The following RSU1 variants were observed in gnomAD, a reference collection of about 807,000 sequenced individuals.
RSU1 encodes rsu-1.
A neutral mutation model predicts 31.1 loss-of-function variants in RSU1; 26 were observed. The ratio of observed to expected loss-of-function variants is 0.84; its 90% confidence interval spans 0.61 to 1.16. RSU1 has a LOEUF of 1.16. Among genes scored for constraint, RSU1 ranks in the 50% most tolerant of loss-of-function variants. RSU1 has a pLI of 0.00. For missense variants in RSU1, 320 were observed against 339.1 expected, an observed-to-expected ratio of 0.94 and a Z score of 0.44; for synonymous variants, 164 against 136.3, an observed-to-expected ratio of 1.20 and a Z score of -1.41.
At position 16,593,397 on chromosome 10, in the gene RSU1, T is replaced by C; in HGVS notation, c.831A>G (p.Arg277=). 6.2e-7 allele frequency: 1 copy of C among 1,614,148 alleles called. No homozygotes were observed. Among genetic ancestry groups the C allele is most frequent in the Non-Finnish European group, 8.5e-7 (1 of 1,180,000 alleles). ...CCAGCCGATGCCAATCCCTTCCTTA[T>C]CTGTTCTTGGCTGCCAGGGGTTTCC... The part of the protein sequence containing the change: ...ISRKPLAAKN[R] Residue 277 remains arginine (R), a synonymous_variant, in exon 9 of 9, where the codon AGA becomes AGG. Coordinates refer to ENST00000345264, the MANE Select transcript of RSU1 (RefSeq NM_012425.4).
rs1564298494 is a variant in RSU1 at position 16,645,985 on chromosome 10, CATATATGT to C, written c.731+49030_731+49037del. Among the ~76,000 whole-genome samples the C allele has an allele frequency of 2.8e-5, 2 of 72,564 alleles. 1 individual carries two copies. The highest frequency in any genetic ancestry group is 2.9e-4 in the Admixed American group (2 of 6,924). 47.6% of individuals were successfully genotyped at this position (72,564 alleles called of 152,430 possible). A position where few individuals can be genotyped will look rare whatever the true frequency, so the allele number is the denominator to read the frequency against. On this transcript the variant is annotated intron_variant, in intron 8 of 8. Coordinates refer to ENST00000345264, the MANE Select transcript of RSU1 (RefSeq NM_012425.4). ...ATATGTGTATATATATGTGTATATA[CATATATGT>C]GTATATATATGTGTATATACATATA...
chr10:16,725,655 T>C (rs1415811142), intron 7 of RSU1, among the ~76,000 whole-genome samples: 2 of 151,638 alleles, frequency 1.3e-5, no homozygotes, highest in African/African-American at 4.9e-5. Flanking sequence ...AGCATTTCTC[T>C]TCTCCAGAGG....
At chr10:16,597,525 C>G (rs977373275) in intron 8 of RSU1, among the ~76,000 whole-genome samples, 2 of 152,180 alleles carry the variant, frequency 1.3e-5, no homozygotes, top group Admixed American at 6.5e-5. Context: ...GCCTCAGTTT[C>G]TTTATCTGTA....
At chr10:16,670,869 A>T (rs1165363664) in intron 8 of RSU1, among the ~76,000 whole-genome samples, 1 of 152,102 alleles carries the variant, frequency 6.6e-6, no homozygotes, top group African/African-American at 2.4e-5. Flanking sequence ...GGTTCAAGTG[A>T]TTCTCCTGCT....
In RSU1 at chr10:16,606,285, A is replaced by G. The variant is rs149677148; in HGVS notation, c.732-12789T>C. The stretch of plus-strand genomic sequence containing the variant: ...TAGTAATTTATAAGAGAATTTGGTT[A>G]AAATTAACATTATATATATATTTTA... On this transcript the variant is annotated intron_variant, in intron 8 of 8. Transcript: ENST00000345264. 7.0e-3 allele frequency among the ~76,000 whole-genome samples: 1,062 copies of G among 152,302 alleles called. 18 individuals carry two copies. Among genetic ancestry groups the G allele is most frequent in the African/African-American group, 0.025 (1,020 of 41,564 alleles).
rs56748832 is a variant in RSU1 at position 16,667,029 on chromosome 10, A to AAACAAC, written c.731+27988_731+27993dup. Among the ~76,000 whole-genome samples, 247 of 151,026 alleles carry AAACAAC rather than the reference A, an allele frequency of 1.6e-3. 1 individual carries two copies. Among genetic ancestry groups the AAACAAC allele is most frequent in the Non-Finnish European group, 2.2e-3 (152 of 67,706 alleles). ...AAACCAAACCAAAACAAAGCAAAAC[A>AAACAAC]AACAACAACAACAACAACAACAACA... On this transcript the variant is annotated intron_variant, in intron 8 of 8. Transcript: ENST00000345264.
chr10:16,806,882 T>TA (rs1478097264), intron 2 of RSU1, among the ~76,000 whole-genome samples: 1 of 152,180 alleles, frequency 6.6e-6, no homozygotes, highest in Non-Finnish European at 1.5e-5. Context: ...GCCTCCCAAG[T>TA]AGCTGGGATT....
At chr10:16,787,646 A>C (rs1419993658) in intron 2 of RSU1, among the ~76,000 whole-genome samples, 1 of 152,154 alleles carries the variant, frequency 6.6e-6, no homozygotes, top group Non-Finnish European at 1.5e-5. Context: ...AATAAGTCTC[A>C]CAGGATGTGA....
chr10:16,739,634 T>C (rs188602560), intron 7 of RSU1, among the ~76,000 whole-genome samples: 19 of 151,990 alleles, frequency 1.3e-4, no homozygotes, highest in Non-Finnish European at 2.2e-4. Context: ...TTTCTTTCTT[T>C]TGAGATGGAG....
At chr10:16,814,351 G>A (rs1838477128) in intron 2 of RSU1, among the ~76,000 whole-genome samples, 1 of 151,900 alleles carries the variant, frequency 6.6e-6, no homozygotes, top group African/African-American at 2.4e-5. Flanking sequence ...GGGAGGCTGA[G>A]GTGGGAGGAT....
At chr10:16,616,087 G>T (rs1253302451) in intron 8 of RSU1, among the ~76,000 whole-genome samples, 3 of 152,046 alleles carry the variant, frequency 2.0e-5, no homozygotes, top group Non-Finnish European at 4.4e-5. Context: ...CCAGGAGTTG[G>T]TTTTTTGAGA....
At chr10:16,630,276 T>C (rs186027387) in intron 8 of RSU1, among the ~76,000 whole-genome samples, 20 of 152,318 alleles carry the variant, frequency 1.3e-4, no homozygotes, top group Middle Eastern at 3.4e-3. Flanking sequence ...TCATATCATA[T>C]GTGTTGCTAA....
intron 8 of RSU1, among the ~76,000 whole-genome samples, chr10:16,685,000 G>C (rs1199954567): frequency 2.0e-5 from 3 of 152,082 alleles, no homozygotes; most frequent in African/African-American, 7.2e-5. Context: ...GTAATCCCAG[G>C]ACTTTGGGAG....
At position 16,628,743 on chromosome 10, in the gene RSU1, C is replaced by T. The variant is rs373108923; in HGVS notation, c.732-35247G>A. Among the ~76,000 whole-genome samples, 9 of 152,102 alleles carry T rather than the reference C, an allele frequency of 5.9e-5. 1 individual carries two copies. Among genetic ancestry groups the T allele is most frequent in the Non-Finnish European group, 8.8e-5 (6 of 68,010 alleles). On this transcript the variant is annotated intron_variant, in intron 8 of 8. Transcript: ENST00000345264. ...GGGGCAAAGTGCCCTGTAGTTTAGCCGAACATGAGAACCTTGGTTTATAAT... is the reference window on the plus strand; with the variant it reads ...GGGGCAAAGTGCCCTGTAGTTTAGCTGAACATGAGAACCTTGGTTTATAAT...
At chr10:16,657,481 A>ATT (rs200952926) in intron 8 of RSU1, among the ~76,000 whole-genome samples, 10 of 144,954 alleles carry the variant, frequency 6.9e-5, no homozygotes, top group African/African-American at 2.5e-4. Context: ...GACTTTTGGG[A>ATT]TTTTTTTTTT....
At chr10:16,725,844 G>C (rs755748999) in intron 7 of RSU1, among the ~76,000 whole-genome samples, 1 of 142,584 alleles carries the variant, frequency 7.0e-6, no homozygotes, top group African/African-American at 2.6e-5. Flanking sequence ...TAGTATGCAG[G>C]AACAAAGGAT....
At chr10:16,645,626 G>A (rs1244273563) in intron 8 of RSU1, among the ~76,000 whole-genome samples, 4 of 151,506 alleles carry the variant, frequency 2.6e-5, no homozygotes, top group Non-Finnish European at 4.4e-5. Flanking sequence ...TGGGCAACAT[G>A]GCAAAACCTC....
intron 8 of RSU1, among the ~76,000 whole-genome samples, chr10:16,647,475 A>G (rs1036151511): frequency 3.3e-5 from 5 of 152,272 alleles, no homozygotes; most frequent in East Asian, 1.9e-4. Context: ...ATTACTCATA[A>G]TAGCCAGAAT....
intron 7 of RSU1, among the ~76,000 whole-genome samples, chr10:16,708,341 T>C (rs1258401984): frequency 6.6e-6 from 1 of 152,128 alleles, no homozygotes; most frequent in African/African-American, 2.4e-5. Context: ...ATGTGGAGTA[T>C]TATAAAGGTC....
Sources: allele counts gnomAD v4.1 joint callset (sites outside exome capture counted in the v4.1 genomes callset), GRCh38; gene constraint gnomAD v4.1.1; transcripts MANE v1.5; gene names NCBI Gene and HGNC (gene_info 2026-07-23, HGNC 2026-07-21).